The following LIMCH1 variants were observed in gnomAD, a reference collection of about 807,000 sequenced individuals.
The protein encoded by LIMCH1 is LIM and calponin homology domains 1, also known as LIM and calponin homology domains-containing protein 1.
A neutral mutation model predicts 176.5 loss-of-function variants in LIMCH1; 113 were observed. That is an observed-to-expected ratio of 0.64 (90% CI 0.55 to 0.75). LIMCH1 has a LOEUF of 0.75. Among genes scored for constraint, LIMCH1 ranks in the 30% least tolerant of loss-of-function variants. The probability of loss-of-function intolerance (pLI) is 0.00; values close to 1 mark genes in which losing one functional copy is unlikely to be tolerated. For synonymous variants in LIMCH1, 619 were observed against 645.9 expected (o/e 0.96, Z 0.63); for missense variants, 1,674 against 1,814.9 (o/e 0.92, Z 1.41).
chr4:41,362,169 T>G (rs1392350260), intron 1 of LIMCH1, among the ~76,000 whole-genome samples: 1 of 152,208 alleles, frequency 6.6e-6, no homozygotes. Flanking sequence ...ACCTGTACCC[T>G]ACAGGGTTAA....
Position 41,684,490 on chromosome 4 carries a change from C to T in LIMCH1, c.3939C>T (p.His1313=), listed in dbSNP as rs756874173. 1 of 1,613,628 alleles carries T rather than the reference C, an allele frequency of 6.2e-7. No homozygotes were observed. Among genetic ancestry groups the T allele is most frequent in the Non-Finnish European group, 8.5e-7 (1 of 1,179,804 alleles). Residue 1313 remains histidine (H), a synonymous_variant, in exon 27 of 32, where the codon CAC becomes CAT. Coordinates refer to ENST00000503057, the MANE Select transcript of LIMCH1 (RefSeq NM_001330672.2). The part of the protein sequence containing the change: ...HQLDTEAGAP[H]CGTNPQLAQD... ...TGGATACCGAGGCTGGGGCCCCACA[C>T]TGTGGAACAAACCCACAGCTTGCTC...
At chr4:41,479,847 T>C (rs190080223) in intron 1 of LIMCH1, among the ~76,000 whole-genome samples, 1 of 152,294 alleles carries the variant, frequency 6.6e-6, no homozygotes, top group East Asian at 1.9e-4. Context: ...CCAGATAATG[T>C]GTATAGGAGG....
At chr4:41,487,183 T>C (rs2069754287) in intron 1 of LIMCH1, among the ~76,000 whole-genome samples, 1 of 152,094 alleles carries the variant, frequency 6.6e-6, no homozygotes, top group African/African-American at 2.4e-5. Flanking sequence ...CTAACATGAA[T>C]TGCAGGTGAA....
intron 2 of LIMCH1, among the ~76,000 whole-genome samples, chr4:41,601,076 C>G (rs1160407240): frequency 1.3e-5 from 2 of 152,030 alleles, no homozygotes; most frequent in African/African-American, 2.4e-5. Context: ...TTAGGCAATA[C>G]TTTGCCATCA....
At chr4:41,583,047 C>G (rs1403665135) in intron 1 of LIMCH1, among the ~76,000 whole-genome samples, 2 of 152,160 alleles carry the variant, frequency 1.3e-5, no homozygotes, top group Non-Finnish European at 2.9e-5. Flanking sequence ...ACCATCCTTC[C>G]CTGTAACTTT....
intron 1 of LIMCH1, among the ~76,000 whole-genome samples, chr4:41,586,158 G>T (rs1032612188): frequency 6.9e-6 from 1 of 145,034 alleles, no homozygotes; most frequent in African/African-American, 2.6e-5. Context: ...ACCTAGGCTG[G>T]AGTGCAGTAG....
chr4:41,613,663 T>G lies in LIMCH1; in HGVS notation c.205+2T>G. 6.2e-7 allele frequency: 1 copy of G among 1,613,264 alleles called. No individual in the cohort carries two copies. The highest frequency in any genetic ancestry group is 8.5e-7 in the Non-Finnish European group (1 of 1,179,224). On this transcript the variant is annotated splice_donor_variant, in intron 5 of 31. Coordinates refer to ENST00000503057, the MANE Select transcript of LIMCH1 (RefSeq NM_001330672.2). LOFTEE classifies it high-confidence loss of function. ...TAGTCCTCAGGGGAAGCAGCGATGG[T>G]AGGTTGGAGTCTTAATAAACTATCC...
At chr4:41,532,415 C>A (rs181030243) in intron 3 of LIMCH1, among the ~76,000 whole-genome samples, 1 of 152,202 alleles carries the variant, frequency 6.6e-6, no homozygotes, top group Admixed American at 6.5e-5. Context: ...ACTTCAGAAA[C>A]GTATTTAAGG....
chr4:41,531,511 CACACAT>C (rs202017401), intron 3 of LIMCH1, among the ~76,000 whole-genome samples: 2,375 of 107,358 alleles, frequency 0.022, 55 homozygotes, highest in African/African-American at 0.084. Flanking sequence ...CACACACACA[CACACAT>C]ACACACCTTA....
At chr4:41,632,225 C>A (rs1359708153) in intron 10 of LIMCH1, among the ~76,000 whole-genome samples, 1 of 152,158 alleles carries the variant, frequency 6.6e-6, no homozygotes, top group Non-Finnish European at 1.5e-5. Flanking sequence ...ACCTCCATTC[C>A]CTCTGTACAG....
chr4:41,604,295 T>C, intron 3 of LIMCH1: 1 of 743,774 alleles, frequency 1.3e-6, no homozygotes, highest in Non-Finnish European at 1.6e-6. Flanking sequence ...ACAATATGAA[T>C]AGTGTTGACT....
At chr4:41,441,043 C>G (rs2062652532) in intron 1 of LIMCH1, among the ~76,000 whole-genome samples, 1 of 152,128 alleles carries the variant, frequency 6.6e-6, no homozygotes, top group African/African-American at 2.4e-5. Context: ...ATGGAGATCT[C>G]TTTCCCTTGG....
Position 41,467,158 on chromosome 4 carries a change from T to TATATACACACACACAC in LIMCH1, c.97-27377_97-27376insTATACACACACACACA, listed in dbSNP as rs1157542568. Among the ~76,000 whole-genome samples, 34 of 143,550 alleles carry TATATACACACACACAC rather than the reference T, an allele frequency of 2.4e-4. 2 individuals are homozygous for TATATACACACACACAC. The highest frequency in any genetic ancestry group is 8.4e-4 in the African/African-American group (33 of 39,174). The allele number at this position is 143,550 out of a possible 152,430, so 94.2% of individuals were successfully genotyped here. A position where few individuals can be genotyped will look rare whatever the true frequency, so the allele number is the denominator to read the frequency against. The stretch of plus-strand genomic sequence containing the variant: ...CCATATATATATGTGTATGTATATA[T>TATATACACACACACAC]ACACACACACACACACACACACACA... On this transcript the variant is annotated intron_variant, in intron 1 of 26. Transcript: ENST00000313860.
intron 19 of LIMCH1, 33 bp from the exon 20 acceptor site, chr4:41,662,786 CCT>C (rs2094673418): frequency 2.5e-6 from 4 of 1,610,208 alleles, no homozygotes; most frequent in Admixed American, 3.3e-5. Flanking sequence ...ATTTTCTTTT[CCT>C]TCTGTACGTT....
At chr4:41,635,968 G>A (rs917043120) in intron 13 of LIMCH1, among the ~76,000 whole-genome samples, 4 of 152,104 alleles carry the variant, frequency 2.6e-5, no homozygotes, top group African/African-American at 9.7e-5. Flanking sequence ...CCAAGCTAGT[G>A]TGATCATAGT....
At chr4:41,612,868 TTTA>T in intron 4 of LIMCH1, 1 of 1,382,212 alleles carries the variant, frequency 7.2e-7, no homozygotes, top group South Asian at 1.7e-5. Context: ...TTTTTTTTTT[TTTA>T]ACTTTTGCCT....
chr4:41,686,400 A>G (rs1720805227), intron 28 of LIMCH1, among the ~76,000 whole-genome samples: 1 of 152,206 alleles, frequency 6.6e-6, no homozygotes, highest in Non-Finnish European at 1.5e-5. Flanking sequence ...TTTACAGACA[A>G]TAAAATTGAG....
chr4:41,366,624 G>A (rs1239430528), intron 1 of LIMCH1, among the ~76,000 whole-genome samples: 2 of 152,136 alleles, frequency 1.3e-5, no homozygotes, highest in Non-Finnish European at 2.9e-5. Context: ...TATAAAAATA[G>A]CCTAAACTAG....
chr4:41,608,062 G>A (rs1023204902), intron 4 of LIMCH1, among the ~76,000 whole-genome samples: 1 of 152,174 alleles, frequency 6.6e-6, no homozygotes, highest in East Asian at 1.9e-4. Context: ...TAAATGAGAC[G>A]TGGACATGAG....
Sources: gnomAD v4.1 joint callset for allele counts (sites outside exome capture counted in the v4.1 genomes callset) on GRCh38, gnomAD v4.1.1 for gene constraint, MANE v1.5 for transcripts, NCBI Gene and HGNC (gene_info 2026-07-23, HGNC 2026-07-21) for gene names.